AUTS2: variants seen among roughly 807,000 people sequenced by gnomAD.
The protein encoded by AUTS2 is autism susceptibility gene 2 protein.
Under a neutral mutation model 112.4 loss-of-function variants are expected in AUTS2, and 17 were observed. The ratio of observed to expected loss-of-function variants is 0.15; its 90% CI spans 0.10 to 0.23. The LOEUF is 0.23. Among genes scored for constraint, AUTS2 ranks in the 10% least tolerant of loss-of-function variants. The probability of loss-of-function intolerance (pLI) is 1.00; values close to 1 mark genes in which losing one functional copy is unlikely to be tolerated. For synonymous variants in AUTS2, 751 were observed against 702.7 expected, an observed-to-expected ratio of 1.07 and a Z score of -1.09; for missense variants, 1,510 against 1,701.6, an observed-to-expected ratio of 0.89 and a Z score of 1.98.
At chr7:70,235,698 C>T (rs886918063) in intron 4 of AUTS2, among the ~76,000 whole-genome samples, 1 of 151,498 alleles carries the variant, frequency 6.6e-6, no homozygotes, top group African/African-American at 2.4e-5. Flanking sequence ...GTTGCCTGGG[C>T]TGGAGTGCAA....
chr7:70,405,678 T>C (rs1228533579), intron 4 of AUTS2, among the ~76,000 whole-genome samples: 1 of 152,224 alleles, frequency 6.6e-6, no homozygotes, highest in Non-Finnish European at 1.5e-5. Context: ...TGCCCTTGAT[T>C]TCTCTCCACA....
chr7:69,822,072 A>G (rs1480641451), intron 1 of AUTS2, among the ~76,000 whole-genome samples: 1 of 152,200 alleles, frequency 6.6e-6, no homozygotes, highest in Non-Finnish European at 1.5e-5. Flanking sequence ...TAGATGGGTT[A>G]GAAGGCTAGT....
At chr7:69,867,119 A>G (rs1004062310) in intron 1 of AUTS2, among the ~76,000 whole-genome samples, 2 of 152,154 alleles carry the variant, frequency 1.3e-5, no homozygotes, top group African/African-American at 2.4e-5. Context: ...AGCAGTGAGA[A>G]TTGTGTAGAC....
intron 4 of AUTS2, among the ~76,000 whole-genome samples, chr7:70,311,199 G>A (rs935742391): frequency 3.3e-5 from 5 of 152,152 alleles, no homozygotes; most frequent in African/African-American, 1.2e-4. Context: ...TGTAGAATGG[G>A]AATAGCAATG....
intron 4 of AUTS2, among the ~76,000 whole-genome samples, chr7:70,368,878 G>C (rs956061011): frequency 6.6e-6 from 1 of 152,122 alleles, no homozygotes; most frequent in Non-Finnish European, 1.5e-5. Flanking sequence ...AGCGTGAGGG[G>C]TCTTACAAGA....
chr7:70,249,481 C>T (rs560013164), intron 4 of AUTS2, among the ~76,000 whole-genome samples: 70 of 152,126 alleles, frequency 4.6e-4, no homozygotes, highest in African/African-American at 1.1e-3. Context: ...TCCTGGGGCG[C>T]GTTCTTAGAG....
In AUTS2 at chr7:70,134,354, T is replaced by C. The variant is rs574681520; in HGVS notation, c.625-182T>C. 3.1e-4 allele frequency among the ~76,000 whole-genome samples: 47 copies of C among 152,138 alleles called. 1 individual carries two copies. In the South Asian group the frequency reaches 8.8e-3, roughly 28 times the overall value. Reference sequence around the variant, plus strand: ...TTAGCATCTCTGAGTTGTTGAGAGATGTAAAGGGGAAAATTAAGCAACACG... The same window carrying C: ...TTAGCATCTCTGAGTTGTTGAGAGACGTAAAGGGGAAAATTAAGCAACACG... On this transcript the variant is annotated intron_variant, in intron 3 of 18. Transcript: ENST00000342771.
At chr7:69,729,679 C>T (rs1404660648) in intron 1 of AUTS2, among the ~76,000 whole-genome samples, 1 of 152,000 alleles carries the variant, frequency 6.6e-6, no homozygotes, top group African/African-American at 2.4e-5. Context: ...CATAGAATCC[C>T]TCTTAATTTC....
At chr7:70,772,298 C>T (rs1790403408) in intron 11 of AUTS2, among the ~76,000 whole-genome samples, 1 of 152,212 alleles carries the variant, frequency 6.6e-6, no homozygotes, top group South Asian at 2.1e-4. Flanking sequence ...ACCTTTCATC[C>T]TTTATAAAAA....
chr7:70,644,359 G>T (rs986405407), intron 5 of AUTS2, among the ~76,000 whole-genome samples: 32 of 152,138 alleles, frequency 2.1e-4, no homozygotes, highest in African/African-American at 5.8e-4. Flanking sequence ...GATACCTAGA[G>T]GGAAGAGCAT....
At chr7:70,455,759 C>CCA (rs1796713041) in intron 5 of AUTS2, among the ~76,000 whole-genome samples, 1 of 152,062 alleles carries the variant, frequency 6.6e-6, no homozygotes, top group African/African-American at 2.4e-5. Flanking sequence ...TGCACTTCAG[C>CCA]CTGGGTGACA....
intron 2 of AUTS2, among the ~76,000 whole-genome samples, chr7:70,010,217 C>G (rs553531331): frequency 2.0e-5 from 3 of 152,258 alleles, no homozygotes; most frequent in Admixed American, 6.5e-5. Context: ...GTGGTCACAG[C>G]TCACTGCAGC....
intron 2 of AUTS2, among the ~76,000 whole-genome samples, chr7:69,931,036 C>A (rs1261139845): frequency 1.3e-5 from 2 of 151,746 alleles, no homozygotes; most frequent in African/African-American, 4.8e-5. Context: ...TTGTTTAGAT[C>A]TTTTAAAAAA....
chr7:70,425,748 A>G (rs1023599361), intron 4 of AUTS2, among the ~76,000 whole-genome samples: 4 of 152,342 alleles, frequency 2.6e-5, no homozygotes, highest in African/African-American at 9.6e-5. Flanking sequence ...AAATCAGTGA[A>G]GAATTCTATT....
intron 4 of AUTS2, among the ~76,000 whole-genome samples, chr7:70,221,488 GT>G (rs2129592322): frequency 6.6e-6 from 1 of 152,296 alleles, no homozygotes; most frequent in African/African-American, 2.4e-5. Flanking sequence ...ACCTCAGGAA[GT>G]TCCTTCTGTC....
At chr7:70,579,244 T>TAAAAAAAAAAAAAAA (rs10611601) in intron 5 of AUTS2, among the ~76,000 whole-genome samples, 3,385 of 55,454 alleles carry the variant, frequency 0.061, 544 homozygotes, top group East Asian at 0.088. Flanking sequence ...TTCTCTTTTC[T>TAAAAAAAAAAAAAAA]AAAAAAAAAA....
intron 1 of AUTS2, among the ~76,000 whole-genome samples, chr7:69,845,544 G>T (rs148637482): frequency 2.6e-5 from 4 of 152,134 alleles, no homozygotes; most frequent in Non-Finnish European, 5.9e-5. Context: ...CTGGACTTTA[G>T]TGCATCCTTG....
intron 2 of AUTS2, among the ~76,000 whole-genome samples, chr7:69,976,418 T>C (rs1445443264): frequency 6.6e-6 from 1 of 152,222 alleles, no homozygotes; most frequent in East Asian, 1.9e-4. Context: ...TTTGAGTTGC[T>C]TCCACCTCTT....
intron 5 of AUTS2, among the ~76,000 whole-genome samples, chr7:70,614,812 C>A (rs2129534826): frequency 6.6e-6 from 1 of 152,366 alleles, no homozygotes; most frequent in South Asian, 2.1e-4. Context: ...GCCTAGCCAG[C>A]TGGCACTCTC....
Sources: allele counts gnomAD v4.1 joint callset (sites outside exome capture counted in the v4.1 genomes callset), GRCh38; gene constraint gnomAD v4.1.1; transcripts MANE v1.5; gene names NCBI Gene and HGNC (gene_info 2026-07-23, HGNC 2026-07-21).